The following TBX6 variants were observed in gnomAD, a reference collection of about 807,000 sequenced individuals.
TBX6 encodes T-box transcription factor 6, also known as T-box transcription factor TBX6.
A neutral mutation model predicts 42.3 loss-of-function variants in TBX6; 29 were observed. That is an observed-to-expected ratio of 0.69 (90% CI 0.51 to 0.93). The LOEUF (loss-of-function observed/expected upper bound fraction) is 0.93, where lower values mean the gene tolerates loss of function less well. TBX6 is among the 40% of genes least tolerant of loss of function. The pLI is 0.00. For missense variants in TBX6, 569 were observed against 603.3 expected, an observed-to-expected ratio of 0.94 and a Z score of 0.59; for synonymous variants, 249 against 245.1, an observed-to-expected ratio of 1.02 and a Z score of -0.15.
chr16:30,086,947 A>G lies in TBX6; in HGVS notation c.840-96T>C. 6.9e-7 allele frequency: 1 copy of G among 1,441,094 alleles called. No homozygotes were observed. Among genetic ancestry groups the G allele is most frequent in the South Asian group, 1.2e-5 (1 of 81,966 alleles). The allele number at this position is 1,441,094 out of a possible 1,614,324, so 89.3% of individuals were successfully genotyped here. A position where few individuals can be genotyped will look rare whatever the true frequency, so the allele number is the denominator to read the frequency against. ...TGCCAGGCATTTCACCCTCCCAGGG[A>G]CCCTGTCAGGTAGGGGCCATCATTA... On this transcript the variant is annotated intron_variant, in intron 6 of 8. Transcript: ENST00000395224. The surrounding 1 kb of genome is among the most constrained non-coding windows in gnomAD (Gnocchi z 4.6).
In TBX6 at chr16:30,088,562, G is replaced by A. The variant is rs761492789; in HGVS notation, c.822C>T (p.Asn274=). Residue 274 remains asparagine (N), a synonymous_variant, in exon 6 of 9, where the codon AAC becomes AAT. Coordinates refer to ENST00000395224, the MANE Select transcript of TBX6 (RefSeq NM_004608.4). This position sits in a 1 kb window ranked among gnomAD's most constrained non-coding sequence, Gnocchi z 4.1. The part of the protein sequence containing the change: ...ANPFAKGFRE[N]GRNCKRERDA... ...ACTCCCACCTCTTACAGTTTCTGCC[G>A]TTCTCCCGGAAGCCTTTGGCAAAGG... The A allele has an allele frequency of 1.2e-5, 20 of 1,614,060 alleles. No homozygotes were observed. In the African/African-American group the frequency reaches 1.5e-4, roughly 12 times the overall value.
chr16:30,087,421 T>C (rs947219032), intron 6 of TBX6, among the ~76,000 whole-genome samples: 1 of 152,086 alleles, frequency 6.6e-6, no homozygotes, highest in African/African-American at 2.4e-5. Context: ...CGCAAGTTCC[T>C]CAAGGAAGTC....
rs758714821 is a variant in TBX6 at position 30,089,178 on chromosome 16, G to C, written c.386C>G (p.Thr129Ser). The C allele has an allele frequency of 1.2e-6, 2 of 1,614,022 alleles. No individual in the cohort carries two copies. Among genetic ancestry groups the C allele is most frequent in the Non-Finnish European group, 1.7e-6 (2 of 1,179,958 alleles). Residue 129 changes from threonine to serine, a missense_variant, in exon 4 of 9, where the codon ACT becomes AGT. Thr to Ser is a moderately conservative substitution (Grantham distance 58). Coordinates refer to ENST00000395224, the MANE Select transcript of TBX6 (RefSeq NM_004608.4). Reference sequence around the variant, plus strand: ...GTAGCGGGCCTCGGGGTCCAGGCCAGTGACTGACACTCGGCAGGCAGGGAA... The same window carrying C: ...GTAGCGGGCCTCGGGGTCCAGGCCACTGACTGACACTCGGCAGGCAGGGAA... ...RMFPACRVSV[T>S]GLDPEARYLF... is the part of the protein sequence containing the mutation.
chr16:30,089,413 T>A (rs2072690164), intron 3 of TBX6, among the ~76,000 whole-genome samples: 1 of 152,056 alleles, frequency 6.6e-6, no homozygotes, highest in Admixed American at 6.6e-5. Context: ...GGTGGGAGGA[T>A]CTCTTGAGTC....
Position 30,089,072 on chromosome 16 carries a change from T to C in TBX6, c.492A>G (p.Ala164=), listed in dbSNP as rs1249476113. 1.2e-6 allele frequency: 2 copies of C among 1,613,840 alleles called. No individual in the cohort carries two copies. Among genetic ancestry groups the C allele is most frequent in the Middle Eastern group, 1.6e-4 (1 of 6,062 alleles). The change falls in exon 4 of 9, where the codon GCA becomes GCG. Residue 164 remains alanine, a synonymous_variant. Coordinates refer to ENST00000395224, the MANE Select transcript of TBX6 (RefSeq NM_004608.4). ...QGRRWEPSGK[A]EPRLPDRVYI... ...AGACACGGTCAGGCAGGCGGGGCTC[T>C]GCCTTGCCGCTGGGCTCCCAGCGCC...
chr16:30,091,230 G>C lies in TBX6; in HGVS notation c.-37C>G, dbSNP rs190381804. On this transcript the variant is annotated 5_prime_UTR_variant, in exon 2 of 9. Transcript: ENST00000395224. ...GTCTGGCCTCAGGTCTCGCTGCTTA[G>C]GGCCCCCGGTGCTGCGAGATGCCCC... is the stretch of plus-strand genomic sequence containing the variant. The C allele has an allele frequency of 4.7e-5, 70 of 1,488,214 alleles. No homozygotes were observed. The East Asian group carries it at 1.5e-3, about 32-fold the overall frequency. 92.2% of individuals were successfully genotyped at this position (1,488,214 alleles called of 1,614,324 possible). A position where few individuals can be genotyped will look rare whatever the true frequency, so the allele number is the denominator to read the frequency against.
In TBX6 at chr16:30,088,699, GT is replaced by G; in HGVS notation, c.761del (p.Asn254ThrfsTer7). 2 of 1,614,162 alleles carry G rather than the reference GT, an allele frequency of 1.2e-6. No individual in the cohort carries two copies. The highest frequency in any genetic ancestry group is 1.7e-6 in the Non-Finnish European group (2 of 1,180,034). On this transcript the variant is annotated frameshift_variant, in exon 5 of 9. Coordinates refer to ENST00000395224, the MANE Select transcript of TBX6 (RefSeq NM_004608.4). LOFTEE classifies it high-confidence loss of function. This position sits in a 1 kb window ranked among gnomAD's most constrained non-coding sequence, Gnocchi z 4.1. ...CTCAAGCAGGGTCACTCACCTGTGG[GT>G]TCTGGTAGGCTGTCACGGAGATGAA... ...TTFISVTAYQ[N>X]PQITQLKIAA...
At chr16:30,087,226 T>C (rs565263621) in intron 6 of TBX6, among the ~76,000 whole-genome samples, 1 of 152,242 alleles carries the variant, frequency 6.6e-6, no homozygotes, top group South Asian at 2.1e-4. Flanking sequence ...CCTTTTTCTT[T>C]TCATTTTTAA....
rs1026962940 is a variant in TBX6 at position 30,086,946 on chromosome 16, G to T, written c.840-95C>A. 5.8e-5 allele frequency: 83 copies of T among 1,439,534 alleles called. No homozygotes were observed. Among genetic ancestry groups the T allele is most frequent in the Middle Eastern group, 5.4e-4 (3 of 5,572 alleles). The allele number at this position is 1,439,534 out of a possible 1,614,324, so 89.2% of individuals were successfully genotyped here. A position where few individuals can be genotyped will look rare whatever the true frequency, so the allele number is the denominator to read the frequency against. On this transcript the variant is annotated intron_variant, in intron 6 of 8. Coordinates refer to ENST00000395224, the MANE Select transcript of TBX6 (RefSeq NM_004608.4). This position sits in a 1 kb window ranked among gnomAD's most constrained non-coding sequence, Gnocchi z 4.6. The stretch of plus-strand genomic sequence containing the variant: ...GTGCCAGGCATTTCACCCTCCCAGG[G>T]ACCCTGTCAGGTAGGGGCCATCATT...
In TBX6 at chr16:30,088,890, C is replaced by T. The variant is rs1406056982; in HGVS notation, c.622-51G>A. 6.2e-7 allele frequency: 1 copy of T among 1,604,638 alleles called. No homozygotes were observed. The highest frequency in any genetic ancestry group is 8.5e-7 in the Non-Finnish European group (1 of 1,173,050). On this transcript the variant is annotated intron_variant, in intron 4 of 8. Coordinates refer to ENST00000395224, the MANE Select transcript of TBX6 (RefSeq NM_004608.4). This position sits in a 1 kb window ranked among gnomAD's most constrained non-coding sequence, Gnocchi z 4.1. ...TCCCTGCCCTGCGCCTCACCCTTGG[C>T]CTCCCTTCCAGCACCCCCCAACCCT...
rs200310768 is a variant in TBX6 at position 30,086,701 on chromosome 16, G to A, written c.914-6C>T. On this transcript the variant is annotated splice_polypyrimidine_tract_variant and splice_region_variant and intron_variant, in intron 7 of 8. Coordinates refer to ENST00000395224, the MANE Select transcript of TBX6 (RefSeq NM_004608.4). The surrounding 1 kb of genome is among the most constrained non-coding windows in gnomAD (Gnocchi z 4.6). ...GCAGGGACCACCTGGTGTGTCTGGGGAGAGGGAAGGGAGAGGTTGGGCTAG... is the reference window on the plus strand; with the variant it reads ...GCAGGGACCACCTGGTGTGTCTGGGAAGAGGGAAGGGAGAGGTTGGGCTAG... 4,376 of 1,612,672 alleles carry A rather than the reference G, an allele frequency of 2.7e-3. 27 individuals carry two copies. The highest frequency in any genetic ancestry group is 2.7e-3 in the Non-Finnish European group (3,169 of 1,179,284).
chr16:30,088,970 G>T lies in TBX6; in HGVS notation c.594C>A (p.Thr198=). 2 of 1,611,916 alleles carry T rather than the reference G, an allele frequency of 1.2e-6. No individual in the cohort carries two copies. Among genetic ancestry groups the T allele is most frequent in the East Asian group, 2.2e-5 (1 of 44,810 alleles). Residue 198 remains threonine (T), a synonymous_variant, in exon 4 of 9, where the codon ACC becomes ACA. Transcript: ENST00000395224. This position sits in a 1 kb window ranked among gnomAD's most constrained non-coding sequence, Gnocchi z 4.1. ...QPVSFHRVKL[T]NSTLDPHGHL... is the part of the protein sequence containing the mutation. Reference sequence around the variant, plus strand: ...GGCCGTGGGGGTCCAGCGTGCTGTTGGTGAGCTTGACACGATGGAAAGACA... The same window carrying T: ...GGCCGTGGGGGTCCAGCGTGCTGTTTGTGAGCTTGACACGATGGAAAGACA...
At position 30,088,390 on chromosome 16, in the gene TBX6, G is replaced by T; in HGVS notation, c.839+155C>A. ...TCTCCAGTGCCTGGAACTGTCCCTGGCACATAGCAGGTACTATATAAGTAT... is the reference window on the plus strand; with the variant it reads ...TCTCCAGTGCCTGGAACTGTCCCTGTCACATAGCAGGTACTATATAAGTAT... On this transcript the variant is annotated intron_variant, in intron 6 of 8. Transcript: ENST00000395224. The surrounding 1 kb of genome is among the most constrained non-coding windows in gnomAD (Gnocchi z 4.1). The T allele has an allele frequency of 1.9e-6, 2 of 1,053,242 alleles. No individual in the cohort carries two copies. The highest frequency in any genetic ancestry group is 2.8e-6 in the Non-Finnish European group (2 of 708,922). The allele number at this position is 1,053,242 out of a possible 1,614,324, so 65.2% of individuals were successfully genotyped here. A position where few individuals can be genotyped will look rare whatever the true frequency, so the allele number is the denominator to read the frequency against.
At chr16:30,087,623 C>T (rs765827123) in intron 6 of TBX6, among the ~76,000 whole-genome samples, 3 of 152,144 alleles carry the variant, frequency 2.0e-5, no homozygotes, top group East Asian at 1.9e-4. Flanking sequence ...CTTTACTGTC[C>T]GACATAACCT....
chr16:30,086,880 A>ATGATGG lies in TBX6; in HGVS notation c.840-35_840-30dup. 1 of 1,602,090 alleles carries ATGATGG rather than the reference A, an allele frequency of 6.2e-7. No homozygotes were observed. Among genetic ancestry groups the ATGATGG allele is most frequent in the South Asian group, 1.1e-5 (1 of 89,708 alleles). Reference sequence around the variant, plus strand: ...GGGAACAGTGGTGGTGATGATGATGATGATGGTGATGGCCATGGTGATGGT... The same window carrying ATGATGG: ...GGGAACAGTGGTGGTGATGATGATGATGATGGTGATGGTGATGGCCATGGTGATGGT... On this transcript the variant is annotated intron_variant, in intron 6 of 8. Coordinates refer to ENST00000395224, the MANE Select transcript of TBX6 (RefSeq NM_004608.4). This position sits in a 1 kb window ranked among gnomAD's most constrained non-coding sequence, Gnocchi z 4.6.
chr16:30,089,294 G>C, intron 3 of TBX6, 84 bp from the exon 4 acceptor site: 3 of 1,514,608 alleles, frequency 2.0e-6, no homozygotes, highest in East Asian at 2.3e-5. Flanking sequence ...ACATAACAAC[G>C]GGCTCCCCAG....
chr16:30,090,703 T>C, intron 3 of TBX6, 55 bp downstream of exon 3: 2 of 1,556,290 alleles, frequency 1.3e-6, no homozygotes, highest in East Asian at 2.3e-5. Flanking sequence ...CCCCAGGGAC[T>C]CTGCCTTTCC....
At position 30,090,793 on chromosome 16, in the gene TBX6, A is replaced by G. The variant is rs1260447246; in HGVS notation, c.318T>C (p.Ser106=). The G allele has an allele frequency of 1.9e-6, 3 of 1,605,364 alleles. No homozygotes were observed. Among genetic ancestry groups the G allele is most frequent in the Admixed American group, 1.7e-5 (1 of 58,270 alleles). ...ENRELWKEFS[S]VGTEMIITKA... Reference sequence around the variant, plus strand: ...TGGTGATGATCATTTCTGTTCCCACAGAGCTGAACTCCTTCCATAGCTCCC... The same window carrying G: ...TGGTGATGATCATTTCTGTTCCCACGGAGCTGAACTCCTTCCATAGCTCCC... Residue 106 remains serine, a synonymous_variant, in exon 3 of 9, where the codon TCT becomes TCC. Transcript: ENST00000395224.
rs535872853 is a variant in TBX6 at position 30,088,551 on chromosome 16, C to T, written c.833G>A (p.Cys278Tyr). Residue 278 changes from cysteine to tyrosine, a missense_variant, in exon 6 of 9, where the codon TGT becomes TAT. This residue lies in a region of TBX6 where 245 missense variants were observed against 227.4 expected (regional missense o/e 1.08). Transcript: ENST00000395224. The surrounding 1 kb of genome is among the most constrained non-coding windows in gnomAD (Gnocchi z 4.1). Reference sequence around the variant, plus strand: ...ATGAATGAACAACTCCCACCTCTTACAGTTTCTGCCGTTCTCCCGGAAGCC... The same window carrying T: ...ATGAATGAACAACTCCCACCTCTTATAGTTTCTGCCGTTCTCCCGGAAGCC... ...AKGFRENGRN[C>Y]KRERDARVKR... is the part of the protein sequence containing the mutation. The T allele has an allele frequency of 1.2e-6, 2 of 1,614,240 alleles. No individual in the cohort carries two copies. The highest frequency in any genetic ancestry group is 8.5e-7 in the Non-Finnish European group (1 of 1,180,046).
Sources: allele counts gnomAD v4.1 joint callset (sites outside exome capture counted in the v4.1 genomes callset), GRCh38; gene constraint gnomAD v4.1.1; regional missense constraint gnomAD v4.1.1; non-coding constraint Gnocchi (gnomAD v3.1); transcripts MANE v1.5; gene names NCBI Gene and HGNC (gene_info 2026-07-23, HGNC 2026-07-21).